ADGRL3: variants seen among roughly 807,000 people sequenced by gnomAD.
ADGRL3 encodes the protein adhesion G protein-coupled receptor L3, also known as calcium-independent alpha-latrotoxin receptor 3.
A neutral mutation model predicts 153.5 loss-of-function variants in ADGRL3; 62 were observed. The ratio of observed to expected loss-of-function variants is 0.40; its 90% CI spans 0.33 to 0.50. The LOEUF is 0.50. ADGRL3 is among the 20% of genes least tolerant of loss of function. ADGRL3 has a pLI of 0.47. For missense variants in ADGRL3, 1,641 were observed against 1,859.4 expected (o/e 0.88, Z 2.16); for synonymous variants, 710 against 672.5 (o/e 1.06, Z -0.86).
intron 1 of ADGRL3, among the ~76,000 whole-genome samples, chr4:61,305,174 C>CTT (rs34888023): frequency 6.8e-6 from 1 of 146,226 alleles, no homozygotes; most frequent in African/African-American, 2.5e-5. Flanking sequence ...TTGCAAGTGA[C>CTT]TTTTTTTTTT....
chr4:61,974,194 C>T (rs941985713), intron 17 of ADGRL3, among the ~76,000 whole-genome samples: 2 of 152,136 alleles, frequency 1.3e-5, no homozygotes, highest in African/African-American at 4.8e-5. Flanking sequence ...TCTTGAATTC[C>T]TGGACTCAAA....
chr4:61,830,608 A>T (rs2097857905), intron 9 of ADGRL3, among the ~76,000 whole-genome samples: 1 of 152,172 alleles, frequency 6.6e-6, no homozygotes, highest in African/African-American at 2.4e-5. Flanking sequence ...TGGGGCAGTG[A>T]TAAGACCAAC....
chr4:61,449,894 G>C (rs941923756), intron 2 of ADGRL3, among the ~76,000 whole-genome samples: 1 of 152,108 alleles, frequency 6.6e-6, no homozygotes, highest in Non-Finnish European at 1.5e-5. Flanking sequence ...AAAATGCAAA[G>C]AGCCTTACAA....
chr4:61,603,430 T>A (rs184055275), intron 5 of ADGRL3, among the ~76,000 whole-genome samples: 74 of 152,286 alleles, frequency 4.9e-4, no homozygotes, highest in Admixed American at 2.9e-3. Context: ...TTTAGAAAAC[T>A]TCAGAGCTCT....
intron 1 of ADGRL3, among the ~76,000 whole-genome samples, chr4:61,307,487 T>C (rs1358359177): frequency 6.6e-6 from 1 of 152,174 alleles, no homozygotes; most frequent in African/African-American, 2.4e-5. Flanking sequence ...TTAAAGACTT[T>C]GTTTTCATAA....
intron 1 of ADGRL3, among the ~76,000 whole-genome samples, chr4:61,353,504 GT>G (rs2096094290): frequency 6.6e-6 from 1 of 151,312 alleles, no homozygotes; most frequent in African/African-American, 2.4e-5. Flanking sequence ...CTATTAGTCT[GT>G]TCTCTGTTTT....
intron 5 of ADGRL3, 45 bp from the exon 6 acceptor site, chr4:61,676,781 A>G (rs376387470): frequency 4.0e-6 from 5 of 1,253,540 alleles, no homozygotes; most frequent in Non-Finnish European, 5.9e-6. Flanking sequence ...TAATAATTTA[A>G]CTTTGCATAA....
chr4:61,220,001 G>C lies in ADGRL3; in HGVS notation c.-240+18236G>C, dbSNP rs556268971. On this transcript the variant is annotated intron_variant, in intron 1 of 26. Transcript: ENST00000683033. ...CGGGCGCCTGTAACCACAGCCACTC[G>C]GGAGGCTGAGGCAGGAGAATCGCTT... Among the ~76,000 whole-genome samples, 912 of 151,926 alleles carry C rather than the reference G, an allele frequency of 6.0e-3. 2 individuals are homozygous for C. The highest frequency in any genetic ancestry group is 0.01 in the Middle Eastern group (3 of 294).
At chr4:61,589,731 A>C (rs1203311604) in intron 5 of ADGRL3, among the ~76,000 whole-genome samples, 1 of 152,198 alleles carries the variant, frequency 6.6e-6, no homozygotes. Context: ...AGAGTGATGC[A>C]GTAGACAGAT....
intron 24 of ADGRL3, among the ~76,000 whole-genome samples, chr4:62,038,116 G>C (rs1173759588): frequency 3.3e-5 from 5 of 152,110 alleles, no homozygotes; most frequent in Non-Finnish European, 7.4e-5. Context: ...AGCAGGTAAA[G>C]AAAGGAATTT....
At chr4:61,900,656 G>T (rs948156350) in intron 11 of ADGRL3, among the ~76,000 whole-genome samples, 1 of 152,112 alleles carries the variant, frequency 6.6e-6, no homozygotes, top group African/African-American at 2.4e-5. Flanking sequence ...GAGAGGAAAA[G>T]GAAGACCAGT....
At chr4:61,650,810 G>T (rs2094218051) in intron 5 of ADGRL3, among the ~76,000 whole-genome samples, 1 of 152,078 alleles carries the variant, frequency 6.6e-6, no homozygotes, top group African/African-American at 2.4e-5. Flanking sequence ...ACATAAAAAT[G>T]AAAATGAAAT....
At chr4:61,921,685 T>A (rs939357227) in intron 13 of ADGRL3, among the ~76,000 whole-genome samples, 10 of 152,118 alleles carry the variant, frequency 6.6e-5, no homozygotes, top group African/African-American at 1.9e-4. Context: ...GGATTACAGG[T>A]GTGAGCCACC....
At chr4:61,349,057 A>G (rs1189218730) in intron 1 of ADGRL3, among the ~76,000 whole-genome samples, 1 of 151,996 alleles carries the variant, frequency 6.6e-6, no homozygotes, top group African/African-American at 2.4e-5. Context: ...ATTTAATTTA[A>G]CTGCCTTGAA....
At chr4:61,827,001 A>G (rs908894088) in intron 9 of ADGRL3, among the ~76,000 whole-genome samples, 2 of 152,014 alleles carry the variant, frequency 1.3e-5, no homozygotes, top group African/African-American at 4.8e-5. Context: ...CATTTCCCAC[A>G]CTAGTTATAG....
chr4:61,294,357 AT>A (rs2094332227), intron 1 of ADGRL3, among the ~76,000 whole-genome samples: 1 of 152,098 alleles, frequency 6.6e-6, no homozygotes, highest in South Asian at 2.1e-4. Flanking sequence ...GTGTTAGATG[AT>A]TTTGCCCAAC....
chr4:61,797,747 T>TAA (rs10676205), intron 8 of ADGRL3, among the ~76,000 whole-genome samples: 151,535 of 152,312 alleles, frequency 0.99, 75,385 homozygotes, highest in Middle Eastern at 1. Flanking sequence ...TTTTCTAGAT[T>TAA]GTTTCACTAT....
intron 6 of ADGRL3, among the ~76,000 whole-genome samples, chr4:61,728,702 C>A (rs933441130): frequency 6.6e-6 from 1 of 152,020 alleles, no homozygotes; most frequent in Non-Finnish European, 1.5e-5. Context: ...TTCAAGGAAC[C>A]AAATTAGTTC....
At chr4:61,757,435 T>C (rs1371795244) in intron 8 of ADGRL3, among the ~76,000 whole-genome samples, 2 of 152,330 alleles carry the variant, frequency 1.3e-5, no homozygotes, top group Admixed American at 1.3e-4. Flanking sequence ...TCTCTGATGA[T>C]AGTTTGTATT....
Sources: gnomAD v4.1 joint callset for allele counts (sites outside exome capture counted in the v4.1 genomes callset) on GRCh38, gnomAD v4.1.1 for gene constraint, MANE v1.5 for transcripts, NCBI Gene and HGNC (gene_info 2026-07-23, HGNC 2026-07-21) for gene names.